The following BNC2 variants were observed in gnomAD, a reference collection of about 807,000 sequenced individuals.
The protein encoded by BNC2 is zinc finger protein basonuclin-2.
Under a neutral mutation model 76.3 loss-of-function variants are expected in BNC2, and 20 were observed. The observed-to-expected ratio is 0.26, with a 90% CI of 0.18 to 0.38. The LOEUF is 0.38. BNC2 is among the 10% of genes least tolerant of loss of function. The probability of loss-of-function intolerance (pLI) is 1.00; values close to 1 mark genes in which losing one functional copy is unlikely to be tolerated. For synonymous variants in BNC2, 582 were observed against 514.8 expected, an observed-to-expected ratio of 1.13 and a Z score of -1.77; for missense variants, 1,382 against 1,399.8, an observed-to-expected ratio of 0.99 and a Z score of 0.20.
chr9:16,804,824 G>T (rs1433896666), intron 1 of BNC2, among the ~76,000 whole-genome samples: 2 of 152,176 alleles, frequency 1.3e-5, no homozygotes, highest in Non-Finnish European at 2.9e-5. Context: ...AGCACTTTGG[G>T]AGGCCGAGGC....
chr9:16,760,514 G>C (rs1242498649), intron 1 of BNC2, among the ~76,000 whole-genome samples: 1 of 152,078 alleles, frequency 6.6e-6, no homozygotes, highest in African/African-American at 2.4e-5. Flanking sequence ...GGCCCTGATA[G>C]TGAAAAAAAG....
chr9:16,512,590 CTACTT>C (rs1293875987), intron 5 of BNC2, among the ~76,000 whole-genome samples: 2 of 152,244 alleles, frequency 1.3e-5, no homozygotes, highest in East Asian at 3.9e-4. Context: ...TCTAATAAAA[CTACTT>C]TGTTGTTTTA....
At position 16,415,169 on chromosome 9, in the gene BNC2, G is replaced by C. The variant is rs1417182539; in HGVS notation, c.*3820C>G. 2 of 152,258 alleles carry C rather than the reference G, an allele frequency of 1.3e-5. No individual in the cohort carries two copies. The highest frequency in any genetic ancestry group is 2.4e-5 in the African/African-American group (1 of 41,452). 9.4% of individuals were successfully genotyped at this position (152,258 alleles called of 1,614,324 possible). On this transcript the variant is annotated 3_prime_UTR_variant, in exon 7 of 7. Transcript: ENST00000380672. The stretch of plus-strand genomic sequence containing the variant: ...GCAGCTGGACTAAGATCTGGAATGA[G>C]TTACATTGGGTTGACTTATTTAAAT...
intron 1 of BNC2, among the ~76,000 whole-genome samples, chr9:16,830,172 C>T (rs1039895318): frequency 2.0e-5 from 3 of 152,144 alleles, no homozygotes; most frequent in African/African-American, 4.8e-5. Context: ...AAATATCTAA[C>T]GGTTTTCCAA....
At chr9:16,812,012 C>T (rs1818067518) in intron 1 of BNC2, among the ~76,000 whole-genome samples, 1 of 152,226 alleles carries the variant, frequency 6.6e-6, no homozygotes, top group South Asian at 2.1e-4. Context: ...GCTCTGCCTG[C>T]CCACAAGGTT....
At chr9:16,803,737 C>T (rs1817837856) in intron 1 of BNC2, among the ~76,000 whole-genome samples, 1 of 152,162 alleles carries the variant, frequency 6.6e-6, no homozygotes, top group South Asian at 2.1e-4. Context: ...TGCAATATTC[C>T]CTACGTTTCT....
At chr9:16,699,818 T>G (rs1823454146) in intron 3 of BNC2, among the ~76,000 whole-genome samples, 1 of 152,244 alleles carries the variant, frequency 6.6e-6, no homozygotes. Flanking sequence ...AAGTCTGGAC[T>G]CTTCTCACTA....
intron 3 of BNC2, among the ~76,000 whole-genome samples, chr9:16,618,235 C>G (rs1354737069): frequency 6.6e-6 from 1 of 152,158 alleles, no homozygotes; most frequent in East Asian, 1.9e-4. Context: ...ATTCTCTGAG[C>G]TGGGTTATCC....
At chr9:16,509,455 T>G (rs907458750) in intron 5 of BNC2, among the ~76,000 whole-genome samples, 1 of 152,222 alleles carries the variant, frequency 6.6e-6, no homozygotes, top group Non-Finnish European at 1.5e-5. Context: ...CCAATTTCAC[T>G]AGTAACATTG....
At chr9:16,630,864 C>G (rs976488498) in intron 3 of BNC2, among the ~76,000 whole-genome samples, 1 of 151,332 alleles carries the variant, frequency 6.6e-6, no homozygotes, top group African/African-American at 2.4e-5. Context: ...CTCAGCCTCT[C>G]GAGTAGCTGG....
At chr9:16,840,535 G>A (rs1818801033) in intron 1 of BNC2, among the ~76,000 whole-genome samples, 1 of 152,104 alleles carries the variant, frequency 6.6e-6, no homozygotes, top group South Asian at 2.1e-4. Flanking sequence ...TGTCATGATG[G>A]CAAAAATACT....
intron 3 of BNC2, among the ~76,000 whole-genome samples, chr9:16,698,727 A>G (rs1252208781): frequency 6.6e-6 from 1 of 152,160 alleles, no homozygotes; most frequent in Non-Finnish European, 1.5e-5. Flanking sequence ...ACCTATATTT[A>G]CGGACATGGA....
rs539980716 is a variant in BNC2, at chr9:16,459,988, G to C, written c.670-22464C>G. On this transcript the variant is annotated intron_variant, in intron 5 of 6. Coordinates refer to ENST00000380672, the MANE Select transcript of BNC2 (RefSeq NM_017637.6). ...CTAGAGAGGGAAAGCGCACGTGCAA[G>C]TGAGTAGACTGTTGTCAGGTAATTT... Among the ~76,000 whole-genome samples the C allele has an allele frequency of 9.4e-4, 143 of 152,314 alleles. 1 individual carries two copies. The highest frequency in any genetic ancestry group is 3.3e-3 in the African/African-American group (138 of 41,550).
At chr9:16,497,234 T>G (rs565773335) in intron 5 of BNC2, among the ~76,000 whole-genome samples, 1 of 152,218 alleles carries the variant, frequency 6.6e-6, no homozygotes, top group African/African-American at 2.4e-5. Flanking sequence ...CAGTTTATGA[T>G]GTAGGCCTAA....
intron 1 of BNC2, among the ~76,000 whole-genome samples, chr9:16,804,198 AAGC>A (rs1441585186): frequency 6.6e-6 from 1 of 152,266 alleles, no homozygotes; most frequent in Non-Finnish European, 1.5e-5. Flanking sequence ...CTTGTCAATA[AAGC>A]ATCATAAAAT....
rs540675054 is a variant in BNC2 at position 16,674,184 on chromosome 9, A to C, written c.330+53613T>G. On this transcript the variant is annotated intron_variant, in intron 3 of 6. Transcript: ENST00000380672. Reference sequence around the variant, plus strand: ...GGCTTAGGGGACAGCTAATTTTAAAAACATATGATTTCTAATCACAGTGAG... The same window carrying C: ...GGCTTAGGGGACAGCTAATTTTAAACACATATGATTTCTAATCACAGTGAG... 4.6e-5 allele frequency among the ~76,000 whole-genome samples: 7 copies of C among 152,324 alleles called. No individual in the cohort carries two copies. In the East Asian group the frequency reaches 1.4e-3, roughly 29 times the overall value.
chr9:16,583,049 A>G lies in BNC2; in HGVS notation c.367T>C (p.Cys123Arg), dbSNP rs2133057051. 1.9e-6 allele frequency: 3 copies of G among 1,614,106 alleles called. No homozygotes were observed. Among genetic ancestry groups the G allele is most frequent in the East Asian group, 2.2e-5 (1 of 44,868 alleles). The change falls in exon 4 of 7, where the codon TGT (cysteine) becomes CGT (arginine). Residue 123 changes from cysteine to arginine, a missense_variant. Transcript: ENST00000380672. The stretch of plus-strand genomic sequence containing the variant: ...AGGTTAATCTTCCCTGGCTGAAAAC[A>G]TTCACATGTGCAGTTTACCAGTGTG... The part of the protein sequence containing the change: ...RCTLVNCTCE[C>R]FQPGKINLRT...
intron 1 of BNC2, among the ~76,000 whole-genome samples, chr9:16,798,085 C>A (rs894304868): frequency 2.0e-5 from 3 of 152,174 alleles, no homozygotes; most frequent in African/African-American, 7.2e-5. Context: ...TTTTGTTGAT[C>A]TGGAAGTGTG....
intron 1 of BNC2, among the ~76,000 whole-genome samples, chr9:16,798,873 T>C (rs1372440886): frequency 2.6e-5 from 4 of 152,084 alleles, no homozygotes; most frequent in African/African-American, 9.7e-5. Context: ...GGTGAGCCCT[T>C]TCTGCCACTT....
Sources: allele counts gnomAD v4.1 joint callset (sites outside exome capture counted in the v4.1 genomes callset), GRCh38; gene constraint gnomAD v4.1.1; transcripts MANE v1.5; gene names NCBI Gene and HGNC (gene_info 2026-07-23, HGNC 2026-07-21).